The following ABCC6 variants were observed in gnomAD, a reference collection of about 807,000 sequenced individuals.
The protein encoded by ABCC6 is ATP-binding cassette sub-family C member 6.
ABCC6 carries 126 observed loss-of-function variants against 169.5 expected under a neutral mutation model. That is an observed-to-expected ratio of 0.74 (90% CI 0.64 to 0.86). The LOEUF is 0.86. Ranked by LOEUF, ABCC6 falls within the 40% of genes least tolerant of loss-of-function variation. The pLI, the probability that ABCC6 is intolerant of heterozygous loss-of-function variation, is 0.00. For missense variants in ABCC6, 1,733 were observed against 1,927.2 expected, an observed-to-expected ratio of 0.90 and a Z score of 1.89; for synonymous variants, 752 against 814.7, an observed-to-expected ratio of 0.92 and a Z score of 1.31.
At chr16:16,161,599 C>T (rs1476472225) in intron 24 of ABCC6, 35 bp from the exon 25 acceptor site, 1 of 1,613,506 alleles carries the variant, frequency 6.2e-7, no homozygotes, top group Non-Finnish European at 8.5e-7. Flanking sequence ...TGAGTGGTTA[C>T]TCTCATCTGC....
intron 24 of ABCC6, among the ~76,000 whole-genome samples, chr16:16,161,888 C>A (rs1226215349): frequency 1.3e-5 from 2 of 152,136 alleles, no homozygotes; most frequent in Admixed American, 6.5e-5. Flanking sequence ...TCTGTGTCCC[C>A]ACCCAAATCT....
At chr16:16,191,367 C>T (rs771201830) in intron 11 of ABCC6, among the ~76,000 whole-genome samples, 23 of 152,126 alleles carry the variant, frequency 1.5e-4, no homozygotes, top group African/African-American at 2.4e-4. Context: ...CTGCCTGCCT[C>T]GGCCTCCCAA....
chr16:16,159,360 G>T, intron 26 of ABCC6, 122 bp downstream of exon 26: 2 of 913,008 alleles, frequency 2.2e-6, no homozygotes, highest in South Asian at 1.4e-5. Context: ...TAGTGGTGGG[G>T]GTTGAGTGAG....
At chr16:16,201,425 C>T (rs1295568916) in intron 9 of ABCC6, among the ~76,000 whole-genome samples, 2 of 152,170 alleles carry the variant, frequency 1.3e-5, no homozygotes, top group Non-Finnish European at 2.9e-5. Context: ...GGTGCCTAGA[C>T]AGTGAGAACA....
At chr16:16,181,740 C>T (rs576785754) in intron 17 of ABCC6, 1 of 154,292 alleles carries the variant, frequency 6.5e-6, no homozygotes, top group South Asian at 2.0e-4. Context: ...TGAGACCAGC[C>T]TGGCCAACAT....
In ABCC6 at chr16:16,209,591, C is replaced by CT. The variant is rs528011218; in HGVS notation, c.663-733dup. ...GAAGAAGCTTGAACTCCTCCCTCAG[C>CT]TTTTTTTTTTTAATTATTATTATTT... On this transcript the variant is annotated intron_variant, in intron 6 of 30. Transcript: ENST00000205557. Among the ~76,000 whole-genome samples, 171 of 145,266 alleles carry CT rather than the reference C, an allele frequency of 1.2e-3. 1 individual carries two copies. In the East Asian group the frequency reaches 0.023, roughly 20 times the overall value.
intron 18 of ABCC6, among the ~76,000 whole-genome samples, chr16:16,178,508 G>T (rs1212079330): frequency 6.6e-6 from 1 of 152,000 alleles, no homozygotes; most frequent in African/African-American, 2.4e-5. Context: ...CCCTTAGCCT[G>T]TGTCTCAAAA....
chr16:16,162,422 T>G (rs2152223377), intron 24 of ABCC6, among the ~76,000 whole-genome samples: 1 of 152,340 alleles, frequency 6.6e-6, no homozygotes, highest in South Asian at 2.1e-4. Context: ...TAGAACAGTT[T>G]CTTCCTGGTG....
At chr16:16,202,557 A>G (rs1367102909) in intron 8 of ABCC6, among the ~76,000 whole-genome samples, 1 of 130,200 alleles carries the variant, frequency 7.7e-6, no homozygotes. Context: ...GCTGGGCCCT[A>G]ATCCAATCTG....
chr16:16,159,428 C>T (rs944125276), intron 26 of ABCC6, 54 bp downstream of exon 26: 7 of 1,300,622 alleles, frequency 5.4e-6, no homozygotes, highest in African/African-American at 3.3e-5. Flanking sequence ...GACCCATTGC[C>T]CCCCCCCACA....
At chr16:16,192,163 C>T (rs1489906311) in intron 11 of ABCC6, among the ~76,000 whole-genome samples, 1 of 151,982 alleles carries the variant, frequency 6.6e-6, no homozygotes, top group Non-Finnish European at 1.5e-5. Flanking sequence ...TGAGGGTGAT[C>T]CAGGTGGAGG....
intron 5 of ABCC6, among the ~76,000 whole-genome samples, chr16:16,213,392 G>A (rs1020912648): frequency 2.1e-4 from 32 of 151,586 alleles, no homozygotes; most frequent in African/African-American, 6.8e-4. Context: ...CACTGCATCT[G>A]GCCCCATTTG....
At position 16,173,395 on chromosome 16, in the gene ABCC6, C is replaced by A. The variant is rs2047174581; in HGVS notation, c.2676G>T (p.Lys892Asn). 1 of 1,613,932 alleles carries A rather than the reference C, an allele frequency of 6.2e-7. No homozygotes were observed. Among genetic ancestry groups the A allele is most frequent in the Admixed American group, 1.7e-5 (1 of 59,994 alleles). ...RPELRRERSI[K>N]SVPEKDRTTS... is the part of the protein sequence containing the mutation. ...TGGTACGGTCCTTCTCAGGGACTGA[C>A]TTGATGGACCTGTCATTTAGAGGAA... is the stretch of plus-strand genomic sequence containing the variant. The change falls in exon 21 of 31, where the codon AAG becomes AAT. Residue 892 changes from lysine to asparagine, a missense_variant. By Grantham distance (94) the Lys-to-Asn change is moderately conservative. Coordinates refer to ENST00000205557, the MANE Select transcript of ABCC6 (RefSeq NM_001171.6).
chr16:16,201,931 A>G lies in ABCC6; in HGVS notation c.1176+70T>C, dbSNP rs1041693936. 6 of 1,587,846 alleles carry G rather than the reference A, an allele frequency of 3.8e-6. No individual in the cohort carries two copies. In the African/African-American group the frequency reaches 8.1e-5, roughly 21 times the overall value. On this transcript the variant is annotated intron_variant, in intron 9 of 30. Coordinates refer to ENST00000205557, the MANE Select transcript of ABCC6 (RefSeq NM_001171.6). ...CTGAATGCGTTCTCAGCTGCTGATAACATTACTGCCCGCTCAGTGATACTG... is the reference window on the plus strand; with the variant it reads ...CTGAATGCGTTCTCAGCTGCTGATAGCATTACTGCCCGCTCAGTGATACTG...
At chr16:16,170,024 C>A (rs1216436917) in intron 21 of ABCC6, among the ~76,000 whole-genome samples, 171 bp from the exon 22 acceptor site, 2 of 152,216 alleles carry the variant, frequency 1.3e-5, no homozygotes, top group Non-Finnish European at 2.9e-5. Flanking sequence ...ATTTCCCCGA[C>A]AGGCCCCAGC....
At chr16:16,202,976 T>C (rs2048291664) in intron 8 of ABCC6, among the ~76,000 whole-genome samples, 1 of 152,106 alleles carries the variant, frequency 6.6e-6, no homozygotes, top group Admixed American at 6.6e-5. Flanking sequence ...AAGTCTGAGC[T>C]AGCCTTTTGG....
chr16:16,207,273 T>A (rs1466116670), intron 7 of ABCC6, among the ~76,000 whole-genome samples: 1 of 152,228 alleles, frequency 6.6e-6, no homozygotes, highest in African/African-American at 2.4e-5. Context: ...ACCAGCCCCC[T>A]GGGCATGGGA....
chr16:16,177,389 G>A (rs1332932193), intron 19 of ABCC6, 63 bp downstream of exon 19: 3 of 1,596,690 alleles, frequency 1.9e-6, no homozygotes, highest in Non-Finnish European at 2.6e-6. Flanking sequence ...AGGACCCTTC[G>A]AGCCTTTTCC....
chr16:16,161,769 C>G (rs1323614226), intron 24 of ABCC6, among the ~76,000 whole-genome samples: 1 of 152,106 alleles, frequency 6.6e-6, no homozygotes, highest in Non-Finnish European at 1.5e-5. Context: ...GGGGTACACT[C>G]GGTGTTCTGA....
Sources: gnomAD v4.1 joint callset for allele counts (sites outside exome capture counted in the v4.1 genomes callset) on GRCh38, gnomAD v4.1.1 for gene constraint, MANE v1.5 for transcripts, NCBI Gene and HGNC (gene_info 2026-07-23, HGNC 2026-07-21) for gene names.